RIF1: variants seen among roughly 807,000 people sequenced by gnomAD.
The protein encoded by RIF1 is telomere-associated protein RIF1.
In RIF1, 45 loss-of-function variants were observed where a neutral mutation model predicts 247.1. The ratio of observed to expected loss-of-function variants is 0.18; its 90% CI spans 0.14 to 0.23. The LOEUF is 0.23. RIF1 is among the 10% of genes least tolerant of loss of function. The pLI is 1.00. For missense variants in RIF1, 2,967 were observed against 2,862.5 expected (o/e 1.04, Z -0.83); for synonymous variants, 1,087 against 978.8 (o/e 1.11, Z -2.06).
the RIF1 span, chr2:151,519,870 A>C: frequency 1.4e-6 from 1 of 728,244 alleles, no homozygotes; most frequent in South Asian, 1.6e-5. Flanking sequence ...CATTGTACAT[A>C]GAGTGATCAT....
chr2:151,530,007 C>G, the RIF1 span, among the ~76,000 whole-genome samples: 234 of 152,314 alleles, frequency 1.5e-3, 1 homozygote, highest in African/African-American at 4.9e-3. Flanking sequence ...TGCTCTCCTT[C>G]TGTGCTCCGG....
intron 22 of RIF1, among the ~76,000 whole-genome samples, 161 bp downstream of exon 22, chr2:151,455,320 A>G (rs982163075): frequency 1.3e-5 from 2 of 152,206 alleles, no homozygotes; most frequent in Admixed American, 6.5e-5. Flanking sequence ...TTAAAATAGT[A>G]TAGAAATATG....
chr2:151,464,290 G>C lies in RIF1; in HGVS notation c.4770G>C (p.Val1590=). The change falls in exon 30 of 36, where the codon GTG becomes GTC. Residue 1590 remains valine (V), a synonymous_variant. Transcript: ENST00000444746. ...TTCAAGATCAAGAAGAGAAAGTGGT[G>C]AAACAGGAATGTATAAAAGCTGAAA... The part of the protein sequence containing the change: ...VDIQDQEEKV[V]KQECIKAENQ... The C allele has an allele frequency of 6.2e-7, 1 of 1,613,406 alleles. No individual in the cohort carries two copies. Among genetic ancestry groups the C allele is most frequent in the African/African-American group, 1.3e-5 (1 of 75,000 alleles).
chr2:151,499,558 A>G lies in RIF1; in HGVS notation c.*709+18A>G. 4.0e-6 allele frequency: 2 copies of G among 495,324 alleles called. 1 individual carries two copies. Among genetic ancestry groups the G allele is most frequent in the South Asian group, 5.2e-5 (2 of 38,718 alleles). 30.7% of individuals were successfully genotyped at this position (495,324 alleles called of 1,614,324 possible). A position where few individuals can be genotyped will look rare whatever the true frequency, so the allele number is the denominator to read the frequency against. On this transcript the variant is annotated intron_variant and NMD_transcript_variant, in intron 11 of 13. Transcript: ENST00000454583. ...AGATCTGGGTGAGAACATGTTTTGT[A>G]TTTCCTTAGTGAAATATCAGTGTAT...
chr2:151,525,887 G>T, the RIF1 span: 1 of 1,197,090 alleles, frequency 8.4e-7, no homozygotes, highest in Non-Finnish European at 1.2e-6. Flanking sequence ...AAAGGCAACT[G>T]ACATTATTTC....
Position 151,414,804 on chromosome 2 carries a change from T to C in RIF1, c.184-19T>C. On this transcript the variant is annotated intron_variant, in intron 3 of 35. Coordinates refer to ENST00000444746, the MANE Select transcript of RIF1 (RefSeq NM_018151.5). ...TACAGTTGTGCTTGTTTGTAATAAA[T>C]GTGATTTTGTTTTTGTAGACTCACA... 6.4e-7 allele frequency: 1 copy of C among 1,562,420 alleles called. No homozygotes were observed. The highest frequency in any genetic ancestry group is 8.8e-7 in the Non-Finnish European group (1 of 1,140,732).
At chr2:151,473,095 A>T (rs1386377370) in intron 34 of RIF1, among the ~76,000 whole-genome samples, 1 of 151,990 alleles carries the variant, frequency 6.6e-6, no homozygotes, top group Non-Finnish European at 1.5e-5. Flanking sequence ...ACCATTTGCT[A>T]TTACGAATAA....
chr2:151,447,927 C>A (rs947455462), intron 20 of RIF1, among the ~76,000 whole-genome samples: 1 of 152,066 alleles, frequency 6.6e-6, no homozygotes, highest in African/African-American at 2.4e-5. Context: ...ACACAGAAAC[C>A]GTTGTTTTTC....
chr2:151,534,081 A>T, the RIF1 span: 1 of 680,886 alleles, frequency 1.5e-6, no homozygotes, highest in Non-Finnish European at 2.5e-6. Context: ...GGGTGGCTAG[A>T]CAGATACTTT....
In RIF1 at chr2:151,462,324, TA is replaced by T; in HGVS notation, c.3308+4del. 6.4e-7 allele frequency: 1 copy of T among 1,563,498 alleles called. No homozygotes were observed. The highest frequency in any genetic ancestry group is 8.7e-7 in the Non-Finnish European group (1 of 1,149,328). On this transcript the variant is annotated splice_donor_region_variant and intron_variant, in intron 28 of 35. Transcript: ENST00000444746. ...TCAGTATAGTCAGGAAGAGCCTATG[TA>T]AGTACAGAAGCCATCAAACTTTTAT...
rs746929871 is a variant in RIF1 at position 151,502,872 on chromosome 2, T to A, written c.*710-162T>A. 1.3e-6 allele frequency: 2 copies of A among 1,599,232 alleles called. No individual in the cohort carries two copies. Among genetic ancestry groups the A allele is most frequent in the Admixed American group, 1.7e-5 (1 of 59,006 alleles). ...TGTTGGGATTCCTTTCCCCAAATTTTCTTTGTACAAAACCTGTGAGATACA... is the reference window on the plus strand; with the variant it reads ...TGTTGGGATTCCTTTCCCCAAATTTACTTTGTACAAAACCTGTGAGATACA... On this transcript the variant is annotated intron_variant and NMD_transcript_variant, in intron 11 of 13. Transcript: ENST00000454583.
At chr2:151,484,269 G>A (rs1485250850), downstream of RIF1, among the ~76,000 whole-genome samples, 1 of 152,008 alleles carries the variant, frequency 6.6e-6, no homozygotes, top group Non-Finnish European at 1.5e-5. Context: ...AGTGTGCCTT[G>A]GCAAACCGAT....
In RIF1 at chr2:151,462,188, A is replaced by G. The variant is rs577390859; in HGVS notation, c.3228-54A>G. 12 of 1,262,808 alleles carry G rather than the reference A, an allele frequency of 9.5e-6. No individual in the cohort carries two copies. The South Asian group carries it at 1.3e-4, about 13-fold the overall frequency. The allele number at this position is 1,262,808 out of a possible 1,614,324, so 78.2% of individuals were successfully genotyped here. A position where few individuals can be genotyped will look rare whatever the true frequency, so the allele number is the denominator to read the frequency against. Reference sequence around the variant, plus strand: ...GTACCTGGCCATAAGTTTAATTTCTAATTGTAAGAATATCATCCGGTTTTT... The same window carrying G: ...GTACCTGGCCATAAGTTTAATTTCTGATTGTAAGAATATCATCCGGTTTTT... On this transcript the variant is annotated intron_variant, in intron 27 of 35. Transcript: ENST00000444746.
chr2:151,474,346 TAATAGCACAGAATAATCTATGAG>T (rs529927031), intron 35 of RIF1, among the ~76,000 whole-genome samples: 15 of 152,308 alleles, frequency 9.8e-5, no homozygotes, highest in African/African-American at 3.6e-4. Flanking sequence ...TAAATTTCTT[TAATAGCACAGAATAATCTATGAG>T]AATAGCACAG....
intron 9 of RIF1, among the ~76,000 whole-genome samples, chr2:151,487,968 C>G (rs143707816): frequency 3.7e-4 from 56 of 152,138 alleles, no homozygotes; most frequent in African/African-American, 1.3e-3. Flanking sequence ...ATATTTGATT[C>G]AATTTGATAC....
downstream of RIF1, chr2:151,512,773 T>C (rs769329304): frequency 1.2e-6 from 2 of 1,613,956 alleles, no homozygotes; most frequent in Non-Finnish European, 8.5e-7. Context: ...ATGAATGATC[T>C]CTGGAGTATC....
chr2:151,424,856 T>TC (rs1558944876), intron 8 of RIF1, among the ~76,000 whole-genome samples: 13 of 110,482 alleles, frequency 1.2e-4, no homozygotes, highest in African/African-American at 1.9e-4. Context: ...TTTTTTTTTT[T>TC]CCATATTTTT....
rs1383886876 is a variant in RIF1, at chr2:151,469,774, T to G, written c.7005T>G (p.Thr2335=). The part of the protein sequence containing the change: ...KNIKTIGDLS[T]LTASEIKTLP... ...TAAAAACTATTGGTGATTTGAGTAC[T>G]CTTACAGCATCTGAAATAAAAACTC... The change falls in exon 34 of 36, where the codon ACT becomes ACG. Residue 2335 remains threonine, a synonymous_variant. Coordinates refer to ENST00000444746, the MANE Select transcript of RIF1 (RefSeq NM_018151.5). The G allele has an allele frequency of 1.2e-6, 2 of 1,611,604 alleles. No homozygotes were observed. The highest frequency in any genetic ancestry group is 2.7e-5 in the African/African-American group (2 of 74,862).
intron 34 of RIF1, among the ~76,000 whole-genome samples, chr2:151,472,587 T>G (rs770627464): frequency 6.6e-6 from 1 of 152,224 alleles, no homozygotes; most frequent in Non-Finnish European, 1.5e-5. Flanking sequence ...TGAAGTGTTG[T>G]TGAATTTTGT....
Sources: gnomAD v4.1 joint callset for allele counts (sites outside exome capture counted in the v4.1 genomes callset) on GRCh38, gnomAD v4.1.1 for gene constraint, MANE v1.5 for transcripts, NCBI Gene and HGNC (gene_info 2026-07-23, HGNC 2026-07-21) for gene names.